The following SEMA6D variants were observed in gnomAD, a reference collection of about 807,000 sequenced individuals.
SEMA6D encodes semaphorin 6D, also known as semaphorin-6D.
SEMA6D carries 35 observed loss-of-function variants against 106.6 expected under a neutral mutation model. The observed-to-expected ratio is 0.33, with a 90% CI of 0.25 to 0.44. The LOEUF (loss-of-function observed/expected upper bound fraction) is 0.44, where lower values mean the gene tolerates loss of function less well. Ranked by LOEUF, SEMA6D falls within the 20% of genes least tolerant of loss-of-function variation. The pLI, the probability that SEMA6D is intolerant of heterozygous loss-of-function variation, is 1.00. For synonymous variants in SEMA6D, 499 were observed against 487.7 expected (o/e 1.02, Z -0.31); for missense variants, 1,185 against 1,345.9 (o/e 0.88, Z 1.87).
At chr15:47,446,737 G>A (rs2042040026) in intron 2 of SEMA6D, among the ~76,000 whole-genome samples, 1 of 152,132 alleles carries the variant, frequency 6.6e-6, no homozygotes, top group African/African-American at 2.4e-5. Context: ...TGGAGGTACA[G>A]CTGGTGTGCT....
At chr15:47,287,658 T>A (rs966517510) in intron 1 of SEMA6D, among the ~76,000 whole-genome samples, 4 of 152,178 alleles carry the variant, frequency 2.6e-5, no homozygotes, top group Non-Finnish European at 4.4e-5. Context: ...CTTCCTTCGT[T>A]GCTAATTTTT....
rs1353498611 is a variant in SEMA6D at position 47,773,773 on chromosome 15, T to C, written c.*1988T>C. On this transcript the variant is annotated 3_prime_UTR_variant, in exon 19 of 19. Transcript: ENST00000536845. ...TAAAATATTACAGATTAATAATAAA[T>C]TAAACCAACCAATGATAAACACTAC... The C allele has an allele frequency of 6.6e-6, 1 of 152,622 alleles. No individual in the cohort carries two copies. Among genetic ancestry groups the C allele is most frequent in the Non-Finnish European group, 1.5e-5 (1 of 68,030 alleles). The allele number at this position is 152,622 out of a possible 1,614,324, so 9.5% of individuals were successfully genotyped here.
chr15:47,338,161 T>A (rs2037650350), intron 1 of SEMA6D, among the ~76,000 whole-genome samples: 1 of 152,120 alleles, frequency 6.6e-6, no homozygotes. Context: ...AAATGTCCCT[T>A]CCAAAGGGGA....
chr15:47,226,883 G>C (rs1478830274), intron 1 of SEMA6D, among the ~76,000 whole-genome samples: 1 of 151,948 alleles, frequency 6.6e-6, no homozygotes, highest in Non-Finnish European at 1.5e-5. Flanking sequence ...CAGATATTAC[G>C]CCAGCTTCTT....
chr15:47,518,715 G>A (rs775509551), intron 3 of SEMA6D, among the ~76,000 whole-genome samples: 23 of 152,164 alleles, frequency 1.5e-4, no homozygotes, highest in Non-Finnish European at 2.5e-4. Flanking sequence ...ACATTGCTCT[G>A]GGTGAGTCAG....
chr15:47,418,244 C>G lies in SEMA6D; in HGVS notation c.-159+5772C>G, dbSNP rs558635403. Among the ~76,000 whole-genome samples the G allele has an allele frequency of 4.6e-5, 7 of 152,134 alleles. No individual in the cohort carries two copies. In the South Asian group the frequency reaches 1.4e-3, roughly 32 times the overall value. Reference sequence around the variant, plus strand: ...AACAGTAAGTGCAAAAGCTCTGAGACAAGAGAATGGGTAGTATACTTGAAA... The same window carrying G: ...AACAGTAAGTGCAAAAGCTCTGAGAGAAGAGAATGGGTAGTATACTTGAAA... On this transcript the variant is annotated intron_variant, in intron 2 of 19. Transcript: ENST00000558014.
At chr15:47,492,855 T>G (rs75701467) in intron 3 of SEMA6D, among the ~76,000 whole-genome samples, 3,142 of 152,256 alleles carry the variant, frequency 0.021, 40 homozygotes, top group Non-Finnish European at 0.029. Flanking sequence ...CATATATTTT[T>G]GATAGTTGTC....
intron 4 of SEMA6D, among the ~76,000 whole-genome samples, chr15:47,663,715 C>A (rs1390031409): frequency 2.0e-5 from 3 of 152,106 alleles, no homozygotes. Context: ...AATTCGAAAA[C>A]AGAGTTGCTA....
chr15:47,218,739 G>C (rs943291171), intron 1 of SEMA6D, among the ~76,000 whole-genome samples: 1 of 152,114 alleles, frequency 6.6e-6, no homozygotes, highest in African/African-American at 2.4e-5. Context: ...CTTGCTCTGT[G>C]CCAGACACTG....
rs1330578639 is a variant in SEMA6D at position 47,258,669 on chromosome 15, C to CCTT, written c.-239+74251_-239+74252insCTT. Among the ~76,000 whole-genome samples, 9 of 152,110 alleles carry CCTT rather than the reference C, an allele frequency of 5.9e-5. 1 individual carries two copies. The highest frequency in any genetic ancestry group is 5.2e-4 in the Admixed American group (8 of 15,258). ...CAGTTCTCAGGCCTTTGGACTCAGA[C>CCTT]TGAACTGTGCCACCAAGTTTTCCTT... On this transcript the variant is annotated intron_variant, in intron 1 of 19. Transcript: ENST00000558014.
chr15:47,580,700 A>G (rs1330299231), intron 3 of SEMA6D, among the ~76,000 whole-genome samples: 6 of 152,216 alleles, frequency 3.9e-5, no homozygotes, highest in Admixed American at 6.5e-5. Flanking sequence ...TGCTGGGAAT[A>G]TGGCAATGAG....
rs75876169 is a variant in SEMA6D, at chr15:47,323,249, C to T, written c.-238-89144C>T. Among the ~76,000 whole-genome samples, 79 of 152,212 alleles carry T rather than the reference C, an allele frequency of 5.2e-4. 1 individual carries two copies. The highest frequency in any genetic ancestry group is 2.7e-3 in the East Asian group (14 of 5,148). The stretch of plus-strand genomic sequence containing the variant: ...TTGACTCCCACCACCCACAGCTCGG[C>T]GAGCAGGAGAGCTACAGCTCTTTCG... On this transcript the variant is annotated intron_variant, in intron 1 of 19. Coordinates refer to the SEMA6D transcript ENST00000558014.
intron 4 of SEMA6D, among the ~76,000 whole-genome samples, chr15:47,616,500 G>A (rs1164741145): frequency 4.6e-5 from 7 of 151,138 alleles, no homozygotes; most frequent in Non-Finnish European, 1.5e-5. Context: ...GCTCTACTTG[G>A]CTATGACACA....
At chr15:47,217,180 T>TA (rs1305098615) in intron 1 of SEMA6D, among the ~76,000 whole-genome samples, 1 of 152,196 alleles carries the variant, frequency 6.6e-6, no homozygotes, top group Non-Finnish European at 1.5e-5. Context: ...GGTATTTTGT[T>TA]ATAGCAGCCC....
chr15:47,257,315 C>T (rs1207037624), intron 1 of SEMA6D, among the ~76,000 whole-genome samples: 6 of 152,274 alleles, frequency 3.9e-5, no homozygotes, highest in South Asian at 2.1e-4. Flanking sequence ...CCTTGGCCCC[C>T]CAAAGTTCTG....
intron 3 of SEMA6D, among the ~76,000 whole-genome samples, chr15:47,542,117 A>G (rs1342855344): frequency 6.6e-6 from 1 of 152,188 alleles, no homozygotes; most frequent in Non-Finnish European, 1.5e-5. Context: ...TGCACCTAAG[A>G]TTCTGGATAT....
In SEMA6D at chr15:47,420,995, T is replaced by G. The variant is rs148793739; in HGVS notation, c.-159+8523T>G. Among the ~76,000 whole-genome samples, 583 of 152,294 alleles carry G rather than the reference T, an allele frequency of 3.8e-3. 10 individuals are homozygous for G. The highest frequency in any genetic ancestry group is 0.026 in the Admixed American group (401 of 15,274). ...TAAAATTGCTATTTCTCTTCTTATC[T>G]TACAATGTAGAGATATTGCAAGGAT... is the stretch of plus-strand genomic sequence containing the variant. On this transcript the variant is annotated intron_variant, in intron 2 of 19. Transcript: ENST00000558014.
At chr15:47,384,188 T>C (rs1044357981) in intron 1 of SEMA6D, among the ~76,000 whole-genome samples, 3 of 152,198 alleles carry the variant, frequency 2.0e-5, no homozygotes, top group African/African-American at 7.2e-5. Flanking sequence ...ACAGTTGTAT[T>C]AAAGGAATAG....
chr15:47,351,658 A>G (rs1383500929), intron 1 of SEMA6D, among the ~76,000 whole-genome samples: 1 of 151,986 alleles, frequency 6.6e-6, no homozygotes, highest in Non-Finnish European at 1.5e-5. Context: ...GCCACTTGCC[A>G]CTTGGTTGTG....
Sources: allele counts gnomAD v4.1 joint callset (sites outside exome capture counted in the v4.1 genomes callset), GRCh38; gene constraint gnomAD v4.1.1; transcripts MANE v1.5; gene names NCBI Gene and HGNC (gene_info 2026-07-23, HGNC 2026-07-21).